The following ZNF329 variants were observed in gnomAD, a reference collection of about 807,000 sequenced individuals.
The protein encoded by ZNF329 is zinc finger protein 329.
ZNF329 carries 15 observed loss-of-function variants against 26.6 expected under a neutral mutation model. The ratio of observed to expected loss-of-function variants is 0.56; its 90% confidence interval spans 0.38 to 0.87. The LOEUF (loss-of-function observed/expected upper bound fraction) is 0.87. Ranked by LOEUF, ZNF329 falls within the 40% of genes least tolerant of loss-of-function variation. The pLI, the probability that ZNF329 is intolerant of heterozygous loss-of-function variation, is 0.00. For missense variants in ZNF329, 651 were observed against 651.9 expected, an observed-to-expected ratio of 1.00 and a Z score of 0.02; for synonymous variants, 239 against 233.5, an observed-to-expected ratio of 1.02 and a Z score of -0.21.
At chr19:58,132,461 A>G (rs159669) in intron 3 of ZNF329, 116,844 of 150,962 alleles carry the variant, frequency 0.77, 45,594 homozygotes, top group Non-Finnish European at 0.84. Context: ...AGGCTGAGGC[A>G]GGTGGATCAC....
chr19:58,128,510 C>A lies in ZNF329; in HGVS notation c.994G>T (p.Val332Leu). Residue 332 changes from valine (V) to leucine (L), a missense_variant, in exon 4 of 4, where the codon GTG becomes TTG. By Grantham distance (32) the Val-to-Leu change is conservative (BLOSUM62 1). Transcript: ENST00000598312. ...TCACCGGTGTGGATTCTGAGATGCA[C>A]TGTAAGGTGGGAGATGTCAGTGAAG... ...KPFTDISHLT[V>L]HLRIHTGEKP... is the part of the protein sequence containing the mutation. 6.2e-7 allele frequency: 1 copy of A among 1,614,072 alleles called. No individual in the cohort carries two copies. Among genetic ancestry groups the A allele is most frequent in the Non-Finnish European group, 8.5e-7 (1 of 1,179,976 alleles).
chr19:58,134,534 A>G (rs1360128180), intron 3 of ZNF329, among the ~76,000 whole-genome samples: 1 of 152,240 alleles, frequency 6.6e-6, no homozygotes, highest in Non-Finnish European at 1.5e-5. Flanking sequence ...AAGTGAAAGG[A>G]TGGGACAGGT....
intron 1 of ZNF329, among the ~76,000 whole-genome samples, chr19:58,145,537 G>T (rs911221139): frequency 1.3e-5 from 2 of 151,666 alleles, no homozygotes; most frequent in African/African-American, 4.8e-5. Context: ...GGCCAGGCTG[G>T]TGTTGAACTC....
chr19:58,148,409 A>AG (rs1475552047), intron 1 of ZNF329, among the ~76,000 whole-genome samples: 11 of 151,276 alleles, frequency 7.3e-5, no homozygotes, highest in East Asian at 1.9e-4. Context: ...AAAAAAAAAA[A>AG]AGAGAGGAAG....
chr19:58,143,799 G>A (rs1173668481), intron 1 of ZNF329, among the ~76,000 whole-genome samples: 1 of 152,092 alleles, frequency 6.6e-6, no homozygotes, highest in Non-Finnish European at 1.5e-5. Flanking sequence ...AATAGAACTA[G>A]GCTGGGCGCA....
intron 3 of ZNF329, chr19:58,132,383 ACCTCCAC>A (rs1449992852): frequency 6.6e-6 from 1 of 151,906 alleles, no homozygotes; most frequent in Admixed American, 6.6e-5. Context: ...GTGAAACCCC[ACCTCCAC>A]TAAAAATACA....
chr19:58,133,406 T>A (rs115683361), intron 3 of ZNF329, among the ~76,000 whole-genome samples: 2,792 of 152,036 alleles, frequency 0.018, 80 homozygotes, highest in African/African-American at 0.063. Flanking sequence ...GGCAACATGG[T>A]GAAACCCCGT....
intron 3 of ZNF329, chr19:58,136,912 A>G (rs765267566): frequency 1.0e-3 from 190 of 186,000 alleles, no homozygotes; most frequent in Non-Finnish European, 1.0e-3. Context: ...GCTTCACTGT[A>G]TGACTGATGA....
chr19:58,132,980 T>G (rs1450051720), intron 3 of ZNF329, among the ~76,000 whole-genome samples: 5 of 152,006 alleles, frequency 3.3e-5, no homozygotes, highest in African/African-American at 9.7e-5. Flanking sequence ...GCCCAGCTAA[T>G]TTTTTGTACT....
upstream of ZNF329, among the ~76,000 whole-genome samples, chr19:58,154,235 C>T (rs567461193): frequency 1.3e-4 from 20 of 152,286 alleles, no homozygotes; most frequent in Non-Finnish European, 1.5e-4. Flanking sequence ...TCTACAACCC[C>T]TGAGCTCAGG....
At chr19:58,131,119 ATGTGTG>A (rs144702980) in intron 3 of ZNF329, among the ~76,000 whole-genome samples, 2,266 of 150,156 alleles carry the variant, frequency 0.015, 61 homozygotes, top group African/African-American at 0.051. Flanking sequence ...ATATGTGTAT[ATGTGTG>A]TGTGTGTGTG....
chr19:58,145,041 G>C (rs762505548), intron 1 of ZNF329, among the ~76,000 whole-genome samples: 11 of 151,374 alleles, frequency 7.3e-5, no homozygotes, highest in Admixed American at 1.3e-4. Flanking sequence ...AGTACAGACG[G>C]GGTTTCACCA....
chr19:58,140,547 G>A (rs1433578212), intron 3 of ZNF329, among the ~76,000 whole-genome samples: 1 of 151,570 alleles, frequency 6.6e-6, no homozygotes, highest in Admixed American at 6.6e-5. Flanking sequence ...CGAGTAGCTG[G>A]GACTACAGGT....
intron 1 of ZNF329, among the ~76,000 whole-genome samples, chr19:58,144,828 T>G (rs115531597): frequency 0.037 from 5,407 of 147,490 alleles, 350 homozygotes; most frequent in African/African-American, 0.13. Flanking sequence ...GAGTATGCCA[T>G]CACACCTGGA....
chr19:58,151,995 C>G (rs969654915), upstream of ZNF329, among the ~76,000 whole-genome samples: 4 of 151,998 alleles, frequency 2.6e-5, no homozygotes, highest in African/African-American at 9.7e-5. Flanking sequence ...CGAACCTCTC[C>G]GCAGGTTGAA....
chr19:58,129,787 G>C (rs2074896278), intron 3 of ZNF329, among the ~76,000 whole-genome samples: 1 of 152,162 alleles, frequency 6.6e-6, no homozygotes, highest in Admixed American at 6.6e-5. Flanking sequence ...TTTGAGATGT[G>C]AGAGACCAGA....
Position 58,127,879 on chromosome 19 carries a change from T to C in ZNF329, c.1625A>G (p.Ter542=). The change falls in exon 4 of 4, where the codon TAA becomes TGA. Residue 542 remains the stop codon, a stop_retained_variant. Transcript: ENST00000598312. ...AHLGEQPMET[*] Reference sequence around the variant, plus strand: ...GAAGACTCATGTGGCCCCCAACCATTATGTTTCCATGGGTTGCTCTCCCAG... The same window carrying C: ...GAAGACTCATGTGGCCCCCAACCATCATGTTTCCATGGGTTGCTCTCCCAG... 3 of 1,577,742 alleles carry C rather than the reference T, an allele frequency of 1.9e-6. No homozygotes were observed. The highest frequency in any genetic ancestry group is 2.6e-6 in the Non-Finnish European group (3 of 1,160,970).
At position 58,141,303 on chromosome 19, in the gene ZNF329, C is replaced by T. The variant is rs1302826890; in HGVS notation, c.-9+1254G>A. 2.7e-5 allele frequency among the ~76,000 whole-genome samples: 4 copies of T among 146,740 alleles called. No homozygotes were observed. In the East Asian group the frequency reaches 6.0e-4, roughly 22 times the overall value. On this transcript the variant is annotated intron_variant, in intron 3 of 3. Coordinates refer to ENST00000598312, the MANE Select transcript of ZNF329 (RefSeq NM_024620.4). ...GAGCCACCACGCCTGGCTTAACACT[C>T]TTTTTTTTTTTCTGAGACAGAGTCT...
intron 3 of ZNF329, among the ~76,000 whole-genome samples, chr19:58,134,210 T>A (rs281065): frequency 0.36 from 54,375 of 151,942 alleles, 10,942 homozygotes; most frequent in South Asian, 0.5. Flanking sequence ...TATCCTATAA[T>A]GCACAGGATG....
Sources: allele counts gnomAD v4.1 joint callset (sites outside exome capture counted in the v4.1 genomes callset), GRCh38; gene constraint gnomAD v4.1.1; transcripts MANE v1.5; gene names NCBI Gene and HGNC (gene_info 2026-07-23, HGNC 2026-07-21).